The following TNR variants were observed in gnomAD, a reference collection of about 807,000 sequenced individuals.
TNR encodes tenascin-R.
In TNR, 45 loss-of-function variants were observed where a neutral mutation model predicts 150.4. The ratio of observed to expected loss-of-function variants is 0.30; its 90% CI spans 0.24 to 0.38. The LOEUF is 0.38. TNR is among the 10% of genes least tolerant of loss of function. The probability of loss-of-function intolerance (pLI) is 1.00; values close to 1 mark genes in which losing one functional copy is unlikely to be tolerated. For synonymous variants in TNR, 687 were observed against 678.4 expected (o/e 1.01, Z -0.20); for missense variants, 1,544 against 1,759.1 (o/e 0.88, Z 2.19).
intron 2 of TNR, among the ~76,000 whole-genome samples, chr1:175,496,717 T>A (rs1449950403): frequency 6.6e-6 from 1 of 152,184 alleles, no homozygotes; most frequent in Non-Finnish European, 1.5e-5. Flanking sequence ...TGGCTTCAAG[T>A]CTCCTAGCTG....
chr1:175,508,641 C>T (rs1366919635), intron 2 of TNR, among the ~76,000 whole-genome samples: 2 of 152,166 alleles, frequency 1.3e-5, no homozygotes, highest in East Asian at 1.9e-4. Flanking sequence ...AAGAGGCCCT[C>T]GAGGACCCAT....
chr1:175,587,669 T>C (rs1662628025), intron 1 of TNR, among the ~76,000 whole-genome samples: 2 of 151,558 alleles, frequency 1.3e-5, no homozygotes, highest in Non-Finnish European at 2.9e-5. Flanking sequence ...ACATGGACTT[T>C]AAAAAAAAAT....
chr1:175,403,180 G>A lies in TNR; in HGVS notation c.936C>T (p.Cys312=), dbSNP rs754692586. Reference sequence around the variant, plus strand: ...GGCCCTGGTAGCCCTCTTCACAGACGCAGAGCCCCTCCTCACATTGTCCTC... The same window carrying A: ...GGCCCTGGTAGCCCTCTTCACAGACACAGAGCCCCTCCTCACATTGTCCTC... The part of the protein sequence containing the change: ...SGRGQCEEGL[C]VCEEGYQGPD... Residue 312 remains cysteine, a synonymous_variant, in exon 4 of 23, where the codon TGC becomes TGT. Coordinates refer to ENST00000367674, the MANE Select transcript of TNR (RefSeq NM_003285.3). 1 of 1,613,998 alleles carries A rather than the reference G, an allele frequency of 6.2e-7. No individual in the cohort carries two copies. Among genetic ancestry groups the A allele is most frequent in the Admixed American group, 1.7e-5 (1 of 60,008 alleles).
chr1:175,478,959 A>T (rs1390566725), intron 2 of TNR, among the ~76,000 whole-genome samples: 1 of 152,226 alleles, frequency 6.6e-6, no homozygotes, highest in Non-Finnish European at 1.5e-5. Context: ...TATGGGTTAC[A>T]TTAGTCTGTG....
chr1:175,654,719 CTTTTTTTTT>C, intron 1 of TNR, among the ~76,000 whole-genome samples: 1 of 74,744 alleles, frequency 1.3e-5, no homozygotes, highest in Non-Finnish European at 2.4e-5. Context: ...AAGTTCCCTT[CTTTTTTTTT>C]TTTTTTTTTT....
At position 175,318,247 on chromosome 1, in the gene TNR, G is replaced by C. The variant is rs1470578903; in HGVS notation, c.*5110C>G. The C allele has an allele frequency of 6.6e-6, 1 of 152,206 alleles. No homozygotes were observed. Among genetic ancestry groups the C allele is most frequent in the African/African-American group, 2.4e-5 (1 of 41,450 alleles). The allele number at this position is 152,206 out of a possible 1,614,324, so 9.4% of individuals were successfully genotyped here. ...CAATGCTGCTTCCTCTCCCATGGCC[G>C]CTCCTGCCTTGTCTCTGCCTTTCAG... is the stretch of plus-strand genomic sequence containing the variant. On this transcript the variant is annotated 3_prime_UTR_variant, in exon 23 of 23. Coordinates refer to ENST00000367674, the MANE Select transcript of TNR (RefSeq NM_003285.3).
At chr1:175,518,730 C>T (rs956118753) in intron 2 of TNR, among the ~76,000 whole-genome samples, 2 of 152,150 alleles carry the variant, frequency 1.3e-5, no homozygotes, top group African/African-American at 4.8e-5. Context: ...TACATTATAA[C>T]TCCATTATCT....
intron 1 of TNR, among the ~76,000 whole-genome samples, chr1:175,648,778 T>C (rs1423320348): frequency 6.6e-6 from 1 of 152,180 alleles, no homozygotes; most frequent in Admixed American, 6.5e-5. Flanking sequence ...GTCCTCAGTC[T>C]GCTCCACCGT....
At chr1:175,546,305 GGCT>G (rs754567403) in intron 1 of TNR, among the ~76,000 whole-genome samples, 1 of 152,172 alleles carries the variant, frequency 6.6e-6, no homozygotes, top group Non-Finnish European at 1.5e-5. Flanking sequence ...GACATAAAGA[GGCT>G]GCTTTAACAT....
intron 19 of TNR, 110 bp downstream of exon 19, chr1:175,337,418 T>C: frequency 7.8e-7 from 1 of 1,286,856 alleles, no homozygotes; most frequent in Non-Finnish European, 1.1e-6. Context: ...ATGTGGGGGG[T>C]GATAAAAGGA....
intron 1 of TNR, among the ~76,000 whole-genome samples, chr1:175,703,925 G>T (rs1018198547): frequency 9.2e-5 from 14 of 152,192 alleles, no homozygotes; most frequent in African/African-American, 3.1e-4. Context: ...CACTAAGCCT[G>T]CAGAGGGTTA....
At chr1:175,740,557 G>A (rs745882524) in intron 1 of TNR, among the ~76,000 whole-genome samples, 4 of 152,104 alleles carry the variant, frequency 2.6e-5, no homozygotes, top group Non-Finnish European at 5.9e-5. Flanking sequence ...CATCTCCCCA[G>A]TCCTGGGTGG....
chr1:175,543,259 G>C (rs551377597), intron 1 of TNR, among the ~76,000 whole-genome samples: 2 of 152,148 alleles, frequency 1.3e-5, no homozygotes, highest in Non-Finnish European at 2.9e-5. Flanking sequence ...CCTGTGGGGG[G>C]TCATTCAGGA....
At chr1:175,569,890 A>C (rs891726439) in intron 1 of TNR, among the ~76,000 whole-genome samples, 1 of 152,170 alleles carries the variant, frequency 6.6e-6, no homozygotes, top group Non-Finnish European at 1.5e-5. Context: ...CTGAGATCCA[A>C]GACTGTAGCT....
intron 1 of TNR, among the ~76,000 whole-genome samples, chr1:175,563,399 C>T (rs16848635): frequency 6.6e-6 from 1 of 152,124 alleles, no homozygotes; most frequent in Non-Finnish European, 1.5e-5. Flanking sequence ...GCAATCCCCA[C>T]GAAAGCACTT....
At chr1:175,397,652 T>C (rs1472264358) in intron 4 of TNR, among the ~76,000 whole-genome samples, 4 of 152,250 alleles carry the variant, frequency 2.6e-5, no homozygotes, top group East Asian at 3.8e-4. Context: ...CCACTTATGT[T>C]CTGAAAGAAA....
chr1:175,532,191 C>G (rs1660096998), intron 1 of TNR, among the ~76,000 whole-genome samples: 1 of 152,182 alleles, frequency 6.6e-6, no homozygotes, highest in Non-Finnish European at 1.5e-5. Context: ...GATATTTGAT[C>G]CCAAGGATGC....
At chr1:175,492,744 G>A (rs1364101279) in intron 2 of TNR, among the ~76,000 whole-genome samples, 1 of 152,156 alleles carries the variant, frequency 6.6e-6, no homozygotes, top group African/African-American at 2.4e-5. Flanking sequence ...ATGGGGTTTA[G>A]GGATGCAACA....
chr1:175,358,980 T>C (rs1334745591), intron 15 of TNR, among the ~76,000 whole-genome samples: 5 of 152,146 alleles, frequency 3.3e-5, no homozygotes, highest in Admixed American at 6.5e-5. Context: ...GTTTGTAGCA[T>C]TTTGGGGGCA....
Sources: allele counts gnomAD v4.1 joint callset (sites outside exome capture counted in the v4.1 genomes callset), GRCh38; gene constraint gnomAD v4.1.1; transcripts MANE v1.5; gene names NCBI Gene and HGNC (gene_info 2026-07-23, HGNC 2026-07-21).